The following HTR1F variants were observed in gnomAD, a reference collection of about 807,000 sequenced individuals.
HTR1F encodes 5-hydroxytryptamine receptor 1F, also known as 5-hydroxytryptamine (serotonin) receptor 1F, G protein-coupled.
In HTR1F, 17 loss-of-function variants were observed where a neutral mutation model predicts 24.0. That is an observed-to-expected ratio of 0.71 (90% CI 0.48 to 1.06). HTR1F has a LOEUF of 1.06. HTR1F is among the 50% of genes least tolerant of loss of function. HTR1F has a pLI of 0.00. For synonymous variants in HTR1F, 186 were observed against 156.8 expected (o/e 1.19, Z -1.39); for missense variants, 391 against 427.8 (o/e 0.91, Z 0.76).
chr3:87,914,478 C>T (rs1394466395), intron 2 of HTR1F, among the ~76,000 whole-genome samples: 1 of 152,050 alleles, frequency 6.6e-6, no homozygotes, highest in Non-Finnish European at 1.5e-5. Context: ...ACACACGGCC[C>T]AGAAACACAC....
Position 87,991,853 on chromosome 3 carries a change from T to A in HTR1F, c.*3T>A. On this transcript the variant is annotated 3_prime_UTR_variant, in exon 3 of 3. Coordinates refer to ENST00000319595, the MANE Select transcript of HTR1F (RefSeq NM_001322209.2). ...AGCTTGTGCGATGTCGATGTTAGTT[T>A]TAAAAATGTTTATTATTGAAGGATG... 1 of 1,549,900 alleles carries A rather than the reference T, an allele frequency of 6.5e-7. No individual in the cohort carries two copies. The highest frequency in any genetic ancestry group is 1.4e-5 in the African/African-American group (1 of 72,324).
intron 2 of HTR1F, among the ~76,000 whole-genome samples, chr3:87,890,433 T>G (rs1038550364): frequency 6.6e-6 from 1 of 152,146 alleles, no homozygotes; most frequent in Non-Finnish European, 1.5e-5. Flanking sequence ...TCTAAGAGGT[T>G]TAGTAAACAA....
intron 2 of HTR1F, among the ~76,000 whole-genome samples, chr3:87,898,522 T>A (rs765725788): frequency 1.3e-5 from 2 of 152,158 alleles, no homozygotes; most frequent in Non-Finnish European, 1.5e-5. Context: ...AAGATAAAGG[T>A]ATAATGTTAC....
At chr3:87,823,995 T>G (rs1249701459) in intron 2 of HTR1F, among the ~76,000 whole-genome samples, 1 of 151,240 alleles carries the variant, frequency 6.6e-6, no homozygotes, top group African/African-American at 2.4e-5. Context: ...AGGCGGAGTT[T>G]GCAGTGAGCC....
chr3:87,912,775 A>C (rs1465069692), intron 2 of HTR1F, among the ~76,000 whole-genome samples: 1 of 152,140 alleles, frequency 6.6e-6, no homozygotes, highest in Admixed American at 6.6e-5. Flanking sequence ...AGAGCCGAGA[A>C]ATAAGGCTCC....
intron 1 of HTR1F, among the ~76,000 whole-genome samples, chr3:87,798,372 C>G (rs1703940225): frequency 6.6e-6 from 1 of 152,098 alleles, no homozygotes; most frequent in African/African-American, 2.4e-5. Flanking sequence ...ACAACTGCCC[C>G]CACTCCAATC....
At chr3:87,845,761 A>C (rs1461457689) in intron 2 of HTR1F, among the ~76,000 whole-genome samples, 3 of 151,996 alleles carry the variant, frequency 2.0e-5, no homozygotes, top group African/African-American at 2.4e-5. Context: ...CACCAAAGTA[A>C]ACAAACTGAC....
chr3:87,841,048 A>G (rs1273048537), intron 2 of HTR1F, among the ~76,000 whole-genome samples: 2 of 151,940 alleles, frequency 1.3e-5, no homozygotes, highest in East Asian at 1.9e-4. Context: ...ATAATTTTGT[A>G]TTGTTTATTT....
chr3:87,815,661 A>G (rs1343584517), intron 1 of HTR1F, among the ~76,000 whole-genome samples: 4 of 152,246 alleles, frequency 2.6e-5, no homozygotes, highest in South Asian at 4.1e-4. Context: ...GGGAAGTAAC[A>G]TGATGGAAAG....
chr3:87,868,992 G>C (rs1705486239), intron 2 of HTR1F, among the ~76,000 whole-genome samples: 1 of 152,024 alleles, frequency 6.6e-6, no homozygotes, highest in South Asian at 2.1e-4. Context: ...GAAATAGCAT[G>C]AACCTTTGAA....
At chr3:87,806,392 A>G (rs1231382814) in intron 1 of HTR1F, among the ~76,000 whole-genome samples, 1 of 152,048 alleles carries the variant, frequency 6.6e-6, no homozygotes, top group Non-Finnish European at 1.5e-5. Flanking sequence ...TTTCCTTACC[A>G]GCATCTGTAA....
In HTR1F at chr3:87,825,867, G is replaced by A. The variant is rs1275843957; in HGVS notation, c.-43+3743G>A. Among the ~76,000 whole-genome samples the A allele has an allele frequency of 2.6e-5, 4 of 152,142 alleles. No individual in the cohort carries two copies. The East Asian group carries it at 7.7e-4, about 29-fold the overall frequency. ...GTAAGTTGTGATACCAGACAGACAGGCAGGGTTTTAGATCCCATTGTAGGG... is the reference window on the plus strand; with the variant it reads ...GTAAGTTGTGATACCAGACAGACAGACAGGGTTTTAGATCCCATTGTAGGG... On this transcript the variant is annotated intron_variant, in intron 2 of 2. Transcript: ENST00000319595.
chr3:87,945,035 G>C lies in HTR1F; in HGVS notation c.-42-45673G>C, dbSNP rs1704662041. On this transcript the variant is annotated intron_variant, in intron 2 of 2. Transcript: ENST00000319595. ...CACACTGGTTGTTTTGTTTTGTTTT[G>C]TTTTTTACTATTTCTATCTTTTTCT... Among the ~76,000 whole-genome samples, 8 of 151,850 alleles carry C rather than the reference G, an allele frequency of 5.3e-5. No homozygotes were observed. In the South Asian group the frequency reaches 1.7e-3, roughly 32 times the overall value.
At chr3:87,928,083 T>G (rs559663173) in intron 2 of HTR1F, among the ~76,000 whole-genome samples, 1 of 150,632 alleles carries the variant, frequency 6.6e-6, no homozygotes, top group Non-Finnish European at 1.5e-5. Context: ...TCTTGCTCTG[T>G]CACCCAGGCT....
At chr3:87,853,099 G>A (rs1273570679) in intron 2 of HTR1F, among the ~76,000 whole-genome samples, 3 of 150,172 alleles carry the variant, frequency 2.0e-5, no homozygotes, top group African/African-American at 7.5e-5. Flanking sequence ...CTCCCACTCC[G>A]CTAGTTTCTT....
At chr3:87,979,372 G>A (rs1705492304) in intron 2 of HTR1F, among the ~76,000 whole-genome samples, 1 of 152,104 alleles carries the variant, frequency 6.6e-6, no homozygotes, top group Admixed American at 6.5e-5. Context: ...GATTGACAGT[G>A]TTCTCCCTGG....
chr3:87,897,087 C>A (rs1706214159), intron 2 of HTR1F, among the ~76,000 whole-genome samples: 1 of 151,928 alleles, frequency 6.6e-6, no homozygotes, highest in African/African-American at 2.4e-5. Flanking sequence ...AAAATTATCA[C>A]CTGTTAAAGA....
chr3:87,796,407 C>G (rs1239746971), intron 1 of HTR1F, among the ~76,000 whole-genome samples: 1 of 151,542 alleles, frequency 6.6e-6, no homozygotes, highest in African/African-American at 2.4e-5. Flanking sequence ...GGACAGAGCT[C>G]AAGGAAAAAG....
chr3:87,855,861 C>G (rs948538759), intron 2 of HTR1F, among the ~76,000 whole-genome samples: 3 of 152,008 alleles, frequency 2.0e-5, no homozygotes, highest in African/African-American at 7.2e-5. Context: ...TAGTCACAAA[C>G]CCTCTCAGTA....
Sources: gnomAD v4.1 joint callset for allele counts (sites outside exome capture counted in the v4.1 genomes callset) on GRCh38, gnomAD v4.1.1 for gene constraint, MANE v1.5 for transcripts, NCBI Gene and HGNC (gene_info 2026-07-23, HGNC 2026-07-21) for gene names.